LYPLAL1: variants seen among roughly 807,000 people sequenced by gnomAD.
LYPLAL1 encodes the protein lysophospholipase like 1.
Under a neutral mutation model 19.7 loss-of-function variants are expected in LYPLAL1, and 23 were observed. That is an observed-to-expected ratio of 1.17 (90% CI 0.84 to 1.65). The LOEUF (loss-of-function observed/expected upper bound fraction) is 1.65, where lower values mean the gene tolerates loss of function less well. Ranked by LOEUF, LYPLAL1 falls within the 40% of genes most tolerant of loss-of-function variation. LYPLAL1 has a pLI of 0.00. For missense variants in LYPLAL1, 355 were observed against 279.4 expected (o/e 1.27, Z -1.93); for synonymous variants, 119 against 96.3 (o/e 1.24, Z -1.38).
chr1:219,239,210 T>G, the LYPLAL1 span, among the ~76,000 whole-genome samples: 2 of 152,146 alleles, frequency 1.3e-5, no homozygotes, highest in Non-Finnish European at 2.9e-5. Flanking sequence ...GTTTACAAAT[T>G]GGGAAATTAT....
intron 3 of LYPLAL1, among the ~76,000 whole-genome samples, chr1:219,197,607 C>A (rs1188277413): frequency 6.6e-6 from 1 of 152,112 alleles, no homozygotes; most frequent in Non-Finnish European, 1.5e-5. Flanking sequence ...GCAATAGCAA[C>A]AAAAGCAGAA....
chr1:219,403,135 C>G, the LYPLAL1 span, among the ~76,000 whole-genome samples: 12 of 152,156 alleles, frequency 7.9e-5, no homozygotes, highest in Non-Finnish European at 1.6e-4. Context: ...TCAGAAAGAC[C>G]TGGAAAGCAA....
the LYPLAL1 span, among the ~76,000 whole-genome samples, chr1:219,295,254 A>G: frequency 8.0e-4 from 122 of 152,242 alleles, no homozygotes; most frequent in African/African-American, 2.5e-3. Flanking sequence ...GACTCACATC[A>G]CAATTGTTCA....
chr1:219,188,343 G>A (rs564995964), intron 2 of LYPLAL1, among the ~76,000 whole-genome samples: 1 of 151,924 alleles, frequency 6.6e-6, no homozygotes, highest in African/African-American at 2.4e-5. Flanking sequence ...TTCAGTTGGA[G>A]AGTCAAAGAA....
chr1:219,306,640 G>C, the LYPLAL1 span, among the ~76,000 whole-genome samples: 54 of 151,712 alleles, frequency 3.6e-4, no homozygotes, highest in Non-Finnish European at 6.3e-4. Flanking sequence ...ACCTCTCCTA[G>C]GTCTTCAGCT....
the LYPLAL1 span, among the ~76,000 whole-genome samples, chr1:219,316,424 G>C: frequency 6.6e-6 from 1 of 152,220 alleles, no homozygotes; most frequent in Admixed American, 6.5e-5. Context: ...TGTCTTGTCT[G>C]GATTTAGTAT....
chr1:219,326,540 G>T, the LYPLAL1 span, among the ~76,000 whole-genome samples: 1 of 152,080 alleles, frequency 6.6e-6, no homozygotes, highest in Non-Finnish European at 1.5e-5. Flanking sequence ...ATTCCCTTCT[G>T]GGATTCTTGA....
the LYPLAL1 span, among the ~76,000 whole-genome samples, chr1:219,289,252 TTA>T: frequency 1.4e-4 from 22 of 152,150 alleles, no homozygotes; most frequent in South Asian, 4.2e-3. Context: ...TGATCATTAC[TTA>T]GTCTGTCCAC....
At chr1:219,174,905 G>A (rs1655684814) in intron 1 of LYPLAL1, 5 of 985,458 alleles carry the variant, frequency 5.1e-6, no homozygotes, top group Non-Finnish European at 6.0e-6. Context: ...GACGGTGCAT[G>A]GTTTCCTGCC....
chr1:219,299,787 ACTAC>A, the LYPLAL1 span, among the ~76,000 whole-genome samples: 1 of 152,200 alleles, frequency 6.6e-6, no homozygotes, highest in Admixed American at 6.5e-5. Flanking sequence ...AAATGTTATC[ACTAC>A]CTACCACTTG....
At chr1:219,215,782 C>G (rs1292637425), downstream of LYPLAL1, among the ~76,000 whole-genome samples, 1 of 152,108 alleles carries the variant, frequency 6.6e-6, no homozygotes, top group Non-Finnish European at 1.5e-5. Flanking sequence ...GTTTGTTTCC[C>G]ATTTCTGAGG....
the LYPLAL1 span, among the ~76,000 whole-genome samples, chr1:219,396,407 C>T: frequency 2.0e-5 from 3 of 152,206 alleles, no homozygotes; most frequent in South Asian, 6.2e-4. Flanking sequence ...GGATTGCTTT[C>T]ACTATTCAGG....
chr1:219,291,885 CA>C, the LYPLAL1 span, among the ~76,000 whole-genome samples: 19,053 of 117,362 alleles, frequency 0.16, 1,194 homozygotes, highest in African/African-American at 0.2. Flanking sequence ...CGGAATAAAG[CA>C]AAAAAAAAAA....
the LYPLAL1 span, among the ~76,000 whole-genome samples, chr1:219,286,043 C>T: frequency 6.6e-6 from 1 of 152,068 alleles, no homozygotes; most frequent in East Asian, 1.9e-4. Flanking sequence ...AGCCGCAGTG[C>T]ATTTGGAGGG....
At chr1:219,294,396 C>T in the LYPLAL1 span, among the ~76,000 whole-genome samples, 1 of 149,916 alleles carries the variant, frequency 6.7e-6, no homozygotes, top group African/African-American at 2.4e-5. Context: ...GCATTTTCTT[C>T]TGACTCAGTC....
chr1:219,193,312 A>C, intron 3 of LYPLAL1, 61 bp downstream of exon 3: 1 of 1,347,246 alleles, frequency 7.4e-7, no homozygotes, highest in South Asian at 1.4e-5. Context: ...CTATACATCA[A>C]ATCTTACTTG....
At chr1:219,282,616 C>G in the LYPLAL1 span, among the ~76,000 whole-genome samples, 1 of 151,362 alleles carries the variant, frequency 6.6e-6, no homozygotes, top group Non-Finnish European at 1.5e-5. Flanking sequence ...CAGTCAAATA[C>G]AAAACAATGG....
chr1:219,408,384 C>T, the LYPLAL1 span, among the ~76,000 whole-genome samples: 2 of 152,004 alleles, frequency 1.3e-5, no homozygotes, highest in South Asian at 2.1e-4. Context: ...TGGATGCTGG[C>T]TGTGGGGTTT....
At chr1:219,250,248 C>T in the LYPLAL1 span, among the ~76,000 whole-genome samples, 2 of 151,788 alleles carry the variant, frequency 1.3e-5, no homozygotes, top group African/African-American at 2.4e-5. Context: ...ATTCAACTTA[C>T]ATAGAACCAT....
Sources: allele counts gnomAD v4.1 joint callset (sites outside exome capture counted in the v4.1 genomes callset), GRCh38; gene constraint gnomAD v4.1.1; transcripts MANE v1.5; gene names NCBI Gene and HGNC (gene_info 2026-07-23, HGNC 2026-07-21).